The following CYRIB variants were observed in gnomAD, a reference collection of about 807,000 sequenced individuals.
The protein encoded by CYRIB is CYFIP related Rac1 interactor B.
In CYRIB, 8 loss-of-function variants were observed where a neutral mutation model predicts 44.2. The observed-to-expected ratio is 0.18, with a 90% CI of 0.11 to 0.33. The LOEUF is 0.33. Among genes scored for constraint, CYRIB ranks in the 10% least tolerant of loss-of-function variants. The probability of loss-of-function intolerance (pLI) is 1.00; values close to 1 mark genes in which losing one functional copy is unlikely to be tolerated. For synonymous variants in CYRIB, 131 were observed against 127.2 expected, an observed-to-expected ratio of 1.03 and a Z score of -0.20; for missense variants, 185 against 382.8, an observed-to-expected ratio of 0.48 and a Z score of 4.31.
At chr8:129,996,551 A>C (rs2096771117) in intron 1 of CYRIB, among the ~76,000 whole-genome samples, 1 of 152,188 alleles carries the variant, frequency 6.6e-6, no homozygotes, top group Non-Finnish European at 1.5e-5. Flanking sequence ...CAAGGTAAGA[A>C]TCTGGCATTA....
chr8:129,956,177 A>G (rs535026559), intron 2 of CYRIB, among the ~76,000 whole-genome samples: 1 of 152,338 alleles, frequency 6.6e-6, no homozygotes, highest in African/African-American at 2.4e-5. Flanking sequence ...TCTTTGTAAA[A>G]CATCGAGAAT....
At chr8:130,004,836 G>A (rs1276975156) in intron 1 of CYRIB, among the ~76,000 whole-genome samples, 3 of 146,180 alleles carry the variant, frequency 2.1e-5, no homozygotes, top group Non-Finnish European at 3.0e-5. Context: ...GCACAATCTC[G>A]GCTCACTGCA....
At chr8:129,882,344 C>G (rs1263349526) in intron 2 of CYRIB, among the ~76,000 whole-genome samples, 12 of 152,102 alleles carry the variant, frequency 7.9e-5, no homozygotes. Flanking sequence ...ATCTTAAATT[C>G]CTATTATGAG....
At chr8:129,887,775 G>T (rs888254260) in intron 2 of CYRIB, among the ~76,000 whole-genome samples, 3 of 152,232 alleles carry the variant, frequency 2.0e-5, no homozygotes, top group Non-Finnish European at 4.4e-5. Context: ...CTAGGTTTCA[G>T]ATGTGTATCA....
chr8:129,861,015 A>T (rs1221948148), intron 5 of CYRIB, among the ~76,000 whole-genome samples: 1 of 152,006 alleles, frequency 6.6e-6, no homozygotes, highest in Non-Finnish European at 1.5e-5. Context: ...TACAGTATAT[A>T]CCCCCTGGTT....
At chr8:129,992,068 C>A (rs1309987208) in intron 1 of CYRIB, among the ~76,000 whole-genome samples, 1 of 151,200 alleles carries the variant, frequency 6.6e-6, no homozygotes, top group Non-Finnish European at 1.5e-5. Flanking sequence ...GTAATCCCAG[C>A]ACTTTGGGAG....
At chr8:130,008,413 A>T (rs184695411) in intron 1 of CYRIB, 7 of 154,318 alleles carry the variant, frequency 4.5e-5, no homozygotes, top group African/African-American at 1.7e-4. Context: ...AGTGAAAAGA[A>T]TGGGCCTAGA....
chr8:129,971,624 G>A (rs1207331052), intron 1 of CYRIB, among the ~76,000 whole-genome samples: 1 of 152,164 alleles, frequency 6.6e-6, no homozygotes, highest in East Asian at 1.9e-4. Context: ...GGTGGGGCCA[G>A]CGCTATCCAT....
At chr8:129,852,387 C>T in intron 7 of CYRIB, 109 bp from the exon 10 acceptor site, 1 of 516,276 alleles carries the variant, frequency 1.9e-6, no homozygotes, top group Non-Finnish European at 3.3e-6. Flanking sequence ...TTTAGACTCT[C>T]ATGTATCGAT....
intron 1 of CYRIB, among the ~76,000 whole-genome samples, chr8:129,989,490 C>G (rs1407048532): frequency 1.3e-5 from 2 of 152,206 alleles, no homozygotes; most frequent in African/African-American, 4.8e-5. Context: ...AAGGGGCACT[C>G]TGAGTCGTTC....
At chr8:129,941,176 C>T (rs2093666028), upstream of CYRIB, among the ~76,000 whole-genome samples, 1 of 151,952 alleles carries the variant, frequency 6.6e-6, no homozygotes, top group Non-Finnish European at 1.5e-5. Context: ...ATTCCTAGGC[C>T]TCAGACTTTT....
At chr8:129,975,457 A>G (rs1002329556) in intron 1 of CYRIB, among the ~76,000 whole-genome samples, 1 of 152,202 alleles carries the variant, frequency 6.6e-6, no homozygotes, top group African/African-American at 2.4e-5. Flanking sequence ...AAAACACATT[A>G]CCTTTAGTAT....
chr8:129,900,128 C>T (rs2070749074), intron 2 of CYRIB, among the ~76,000 whole-genome samples: 1 of 152,084 alleles, frequency 6.6e-6, no homozygotes, highest in Non-Finnish European at 1.5e-5. Flanking sequence ...GAGCTCAACT[C>T]CCTAATTTTA....
intron 4 of CYRIB, 134 bp from the exon 7 acceptor site, chr8:129,862,468 G>T: frequency 2.7e-6 from 2 of 741,078 alleles, no homozygotes; most frequent in East Asian, 2.8e-5. Flanking sequence ...GAATCTAGGA[G>T]TGTTGAATAT....
At chr8:129,893,673 C>T (rs1328784293) in intron 2 of CYRIB, among the ~76,000 whole-genome samples, 2 of 152,224 alleles carry the variant, frequency 1.3e-5, no homozygotes, top group Non-Finnish European at 2.9e-5. Context: ...CTCCCCTCCT[C>T]TCTCACTGAA....
At chr8:129,851,172 C>G (rs2043049700) in intron 8 of CYRIB, 1 of 444,320 alleles carries the variant, frequency 2.3e-6, no homozygotes, top group Non-Finnish European at 4.0e-6. Context: ...ACAATGCAGA[C>G]AGGGGGTCAA....
At chr8:129,992,695 G>GT (rs1446935445) in intron 1 of CYRIB, among the ~76,000 whole-genome samples, 2 of 152,270 alleles carry the variant, frequency 1.3e-5, no homozygotes, top group East Asian at 3.9e-4. Flanking sequence ...CCCATTGTTC[G>GT]TATCTCTACC....
chr8:129,967,862 T>A (rs2095547942), intron 2 of CYRIB, among the ~76,000 whole-genome samples: 1 of 152,214 alleles, frequency 6.6e-6, no homozygotes, highest in Admixed American at 6.5e-5. Flanking sequence ...CTTCTAATAC[T>A]GCCTCTCCCT....
At chr8:129,958,160 G>A (rs72718397) in intron 2 of CYRIB, among the ~76,000 whole-genome samples, 6,811 of 151,694 alleles carry the variant, frequency 0.045, 159 homozygotes, top group Middle Eastern at 0.068. Context: ...TGTCTCTGGG[G>A]AAAAAAAATA....
Sources: allele counts gnomAD v4.1 joint callset (sites outside exome capture counted in the v4.1 genomes callset), GRCh38; gene constraint gnomAD v4.1.1; transcripts MANE v1.5; gene names NCBI Gene and HGNC (gene_info 2026-07-23, HGNC 2026-07-21).